The following AKT3 variants were observed in gnomAD, a reference collection of about 807,000 sequenced individuals.
AKT3 encodes the protein RAC-gamma serine/threonine-protein kinase.
Under a neutral mutation model 65.3 loss-of-function variants are expected in AKT3, and 15 were observed. The observed-to-expected ratio is 0.23, with a 90% CI of 0.15 to 0.35. The LOEUF (loss-of-function observed/expected upper bound fraction) is 0.35, where lower values mean the gene tolerates loss of function less well. AKT3 is among the 10% of genes least tolerant of loss of function. AKT3 has a pLI of 1.00. For synonymous variants in AKT3, 206 were observed against 183.8 expected (o/e 1.12, Z -0.98); for missense variants, 243 against 576.5 (o/e 0.42, Z 5.92).
chr1:243,839,456 A>T (rs1289592699), intron 2 of AKT3, among the ~76,000 whole-genome samples: 1 of 152,232 alleles, frequency 6.6e-6, no homozygotes, highest in Non-Finnish European at 1.5e-5. Context: ...ACAATACTTT[A>T]CTTGATGTTT....
At chr1:243,639,208 A>G (rs1345609025) in intron 5 of AKT3, among the ~76,000 whole-genome samples, 6 of 152,182 alleles carry the variant, frequency 3.9e-5, no homozygotes, top group Admixed American at 6.5e-5. Context: ...TGATAACCCC[A>G]TATTTATTAA....
chr1:243,815,445 C>T (rs909221661), intron 2 of AKT3, among the ~76,000 whole-genome samples: 2 of 152,182 alleles, frequency 1.3e-5, no homozygotes, highest in African/African-American at 4.8e-5. Flanking sequence ...AAAGCCTTCT[C>T]AAAGGCTTCT....
intron 2 of AKT3, among the ~76,000 whole-genome samples, chr1:243,763,339 C>T (rs1027302721): frequency 2.6e-5 from 4 of 152,012 alleles, no homozygotes; most frequent in African/African-American, 9.7e-5. Context: ...TCTTTAAAAT[C>T]CTATCATAAC....
At chr1:243,657,447 A>T (rs1681892565) in intron 4 of AKT3, among the ~76,000 whole-genome samples, 1 of 152,242 alleles carries the variant, frequency 6.6e-6, no homozygotes, top group Non-Finnish European at 1.5e-5. Context: ...CAAGAAGGTG[A>T]AAGATTTGTA....
rs148560234 is a variant in AKT3 at position 243,552,056 on chromosome 1, G to A, written c.1163+673C>T. On this transcript the variant is annotated intron_variant, in intron 11 of 13. Transcript: ENST00000673466. ...TGTAATCCCAGCACTTTGGGAGGCC[G>A]AAGCAGGCGGATCACTTGAGGTCGG... Among the ~76,000 whole-genome samples, 214 of 152,142 alleles carry A rather than the reference G, an allele frequency of 1.4e-3. 6 individuals carry two copies. In the East Asian group the frequency reaches 0.039, roughly 28 times the overall value.
At chr1:243,679,305 T>C (rs1357647788) in intron 3 of AKT3, among the ~76,000 whole-genome samples, 2 of 152,194 alleles carry the variant, frequency 1.3e-5, no homozygotes, top group Non-Finnish European at 2.9e-5. Context: ...TTGAAGCCCC[T>C]AAACTTTGCA....
In AKT3 at chr1:243,512,238, G is replaced by C. The variant is rs556870429; in HGVS notation, c.1354+86C>G. On this transcript the variant is annotated intron_variant, in intron 13 of 13. Transcript: ENST00000673466. ...GTGGAATTTGATCTTGAAAATATCAGATGAGTTTTTAAAAGACTGTTTTCT... is the reference window on the plus strand; with the variant it reads ...GTGGAATTTGATCTTGAAAATATCACATGAGTTTTTAAAAGACTGTTTTCT... The C allele has an allele frequency of 1.2e-4, 83 of 673,826 alleles. 1 individual carries two copies. The highest frequency in any genetic ancestry group is 7.1e-4 in the Admixed American group (21 of 29,430). The allele number at this position is 673,826 out of a possible 1,614,324, so 41.7% of individuals were successfully genotyped here.
chr1:243,625,998 T>C (rs1679132031), intron 6 of AKT3, among the ~76,000 whole-genome samples: 2 of 152,186 alleles, frequency 1.3e-5, no homozygotes, highest in Admixed American at 6.5e-5. Flanking sequence ...CCTCCATAGA[T>C]GACATAGCTG....
chr1:243,495,435 T>A (rs959627467), downstream of AKT3, among the ~76,000 whole-genome samples: 2 of 152,206 alleles, frequency 1.3e-5, no homozygotes, highest in Non-Finnish European at 2.9e-5. Flanking sequence ...GGCTTTGAAC[T>A]CTGACTGCGG....
chr1:243,601,222 G>C (rs1314746245), intron 8 of AKT3, among the ~76,000 whole-genome samples: 1 of 151,912 alleles, frequency 6.6e-6, no homozygotes, highest in Non-Finnish European at 1.5e-5. Context: ...GCCCTTACAT[G>C]AAATAAATAA....
intron 2 of AKT3, among the ~76,000 whole-genome samples, chr1:243,817,860 A>C (rs982874737): frequency 6.6e-6 from 1 of 152,252 alleles, no homozygotes; most frequent in Non-Finnish European, 1.5e-5. Context: ...ACTTGAAAAA[A>C]TATTCTGAAT....
chr1:243,517,127 G>A (rs1039348213), intron 12 of AKT3, among the ~76,000 whole-genome samples: 3 of 151,308 alleles, frequency 2.0e-5, no homozygotes, highest in Non-Finnish European at 4.4e-5. Flanking sequence ...CAAGAACTTG[G>A]GGATTTTCCA....
intron 12 of AKT3, among the ~76,000 whole-genome samples, chr1:243,525,865 G>C (rs932562885): frequency 7.8e-6 from 1 of 128,924 alleles, no homozygotes; most frequent in African/African-American, 3.0e-5. Flanking sequence ...TAATAAGACA[G>C]AAAATATATT....
intron 2 of AKT3, among the ~76,000 whole-genome samples, chr1:243,842,532 G>C (rs1013085189): frequency 6.6e-6 from 1 of 152,166 alleles, no homozygotes; most frequent in African/African-American, 2.4e-5. Flanking sequence ...AAGTAGGAGT[G>C]AACAAGGTGT....
chr1:243,643,051 C>G (rs1287546947), intron 5 of AKT3, among the ~76,000 whole-genome samples: 2 of 152,166 alleles, frequency 1.3e-5, no homozygotes, highest in Admixed American at 6.5e-5. Context: ...CTCTTTCTCA[C>G]GGGAAGAGGT....
intron 2 of AKT3, among the ~76,000 whole-genome samples, chr1:243,769,856 T>C (rs1690069002): frequency 6.6e-6 from 1 of 152,226 alleles, no homozygotes; most frequent in African/African-American, 2.4e-5. Context: ...TGACTGCTTG[T>C]GCTTTTGGTG....
At chr1:243,507,310 T>C (rs1481793157) in intron 13 of AKT3, among the ~76,000 whole-genome samples, 1 of 152,214 alleles carries the variant, frequency 6.6e-6, no homozygotes, top group Non-Finnish European at 1.5e-5. Flanking sequence ...AGCTAAGAAT[T>C]GAGAGACAGC....
chr1:243,707,655 T>C (rs1685886840), intron 2 of AKT3, among the ~76,000 whole-genome samples: 1 of 152,152 alleles, frequency 6.6e-6, no homozygotes, highest in African/African-American at 2.4e-5. Context: ...GTTTGTTACA[T>C]GGATATACAG....
chr1:243,787,037 A>C (rs1691309690), intron 2 of AKT3, among the ~76,000 whole-genome samples: 1 of 152,248 alleles, frequency 6.6e-6, no homozygotes, highest in African/African-American at 2.4e-5. Flanking sequence ...TGGGAAACAC[A>C]GAATAAAAGG....
Sources: gnomAD v4.1 joint callset for allele counts (sites outside exome capture counted in the v4.1 genomes callset) on GRCh38, gnomAD v4.1.1 for gene constraint, MANE v1.5 for transcripts, NCBI Gene and HGNC (gene_info 2026-07-23, HGNC 2026-07-21) for gene names.